Variants in SLC41A2 observed in about 807,000 individuals in gnomAD.
SLC41A2 encodes the protein SLC41A1-like 1.
Under a neutral mutation model 58.3 loss-of-function variants are expected in SLC41A2, and 32 were observed. That is an observed-to-expected ratio of 0.55 (90% CI 0.41 to 0.74). The LOEUF (loss-of-function observed/expected upper bound fraction) is 0.74, where lower values mean the gene tolerates loss of function less well. SLC41A2 is among the 30% of genes least tolerant of loss of function. SLC41A2 has a pLI of 0.00. For synonymous variants in SLC41A2, 190 were observed against 235.0 expected (o/e 0.81, Z 1.75); for missense variants, 514 against 680.6 (o/e 0.76, Z 2.72).
intron 10 of SLC41A2, among the ~76,000 whole-genome samples, chr12:104,816,205 C>T (rs913783733): frequency 7.3e-5 from 11 of 151,652 alleles, no homozygotes; most frequent in South Asian, 4.2e-4. Flanking sequence ...CTTGTAGATA[C>T]GAAAAAACAA....
intron 6 of SLC41A2, among the ~76,000 whole-genome samples, chr12:104,879,150 G>C (rs1485025188): frequency 6.6e-6 from 1 of 152,232 alleles, no homozygotes; most frequent in Non-Finnish European, 1.5e-5. Flanking sequence ...CCCACTTGTT[G>C]ATGGGGTTGT....
intron 10 of SLC41A2, among the ~76,000 whole-genome samples, chr12:104,809,427 C>T (rs895528550): frequency 3.3e-5 from 5 of 152,188 alleles, no homozygotes; most frequent in African/African-American, 1.2e-4. Flanking sequence ...AGACATGTAC[C>T]TATTCCAAAG....
At chr12:104,821,012 G>A (rs886416293) in intron 10 of SLC41A2, among the ~76,000 whole-genome samples, 5 of 152,178 alleles carry the variant, frequency 3.3e-5, no homozygotes, top group East Asian at 3.8e-4. Flanking sequence ...ACAAAAAGTC[G>A]TGAGTATAAT....
intron 6 of SLC41A2, among the ~76,000 whole-genome samples, chr12:104,881,203 T>C (rs2044350311): frequency 6.6e-6 from 1 of 152,212 alleles, no homozygotes; most frequent in South Asian, 2.1e-4. Context: ...GATTCTTCTC[T>C]CTTTTCTTCT....
intron 2 of SLC41A2, among the ~76,000 whole-genome samples, chr12:104,911,835 G>A (rs1303902725): frequency 2.0e-5 from 3 of 152,090 alleles, no homozygotes; most frequent in African/African-American, 7.2e-5. Context: ...GGGGTTCAAT[G>A]GCACCCCAGA....
chr12:104,920,792 C>T (rs1381834859), intron 2 of SLC41A2, among the ~76,000 whole-genome samples: 3 of 151,714 alleles, frequency 2.0e-5, no homozygotes, highest in African/African-American at 4.8e-5. Flanking sequence ...GGTGTGGTGG[C>T]GGGCACTTGT....
chr12:104,894,205 T>G (rs1326816531), intron 4 of SLC41A2, among the ~76,000 whole-genome samples: 4 of 151,828 alleles, frequency 2.6e-5, no homozygotes, highest in Non-Finnish European at 5.9e-5. Context: ...AGTACAAAAA[T>G]TAACCAGGCG....
intron 2 of SLC41A2, among the ~76,000 whole-genome samples, chr12:104,921,515 A>T (rs976855104): frequency 6.6e-6 from 1 of 151,490 alleles, no homozygotes; most frequent in Admixed American, 6.6e-5. Context: ...AAAAAAAAAA[A>T]GCTACCATCC....
intron 10 of SLC41A2, among the ~76,000 whole-genome samples, 193 bp from the exon 11 acceptor site, chr12:104,805,530 A>C (rs2040862108): frequency 6.6e-6 from 1 of 152,228 alleles, no homozygotes; most frequent in Non-Finnish European, 1.5e-5. Context: ...ATGTATGTTT[A>C]CAGGTACTAA....
At position 104,821,607 on chromosome 12, in the gene SLC41A2, A is replaced by C. The variant is rs79716250; in HGVS notation, c.1537-16270T>G. Reference sequence around the variant, plus strand: ...CAATGCTGAGCAAAAAAAGTCGCTTAAGCATATATTCAGTATGATTCAATT... The same window carrying C: ...CAATGCTGAGCAAAAAAAGTCGCTTCAGCATATATTCAGTATGATTCAATT... On this transcript the variant is annotated intron_variant, in intron 10 of 10. Coordinates refer to ENST00000258538, the MANE Select transcript of SLC41A2 (RefSeq NM_001352171.3). Among the ~76,000 whole-genome samples the C allele has an allele frequency of 5.9e-3, 899 of 152,362 alleles. 17 individuals carry two copies. Among genetic ancestry groups the C allele is most frequent in the African/African-American group, 0.02 (845 of 41,592 alleles).
chr12:104,875,580 CT>C (rs1565862918), intron 6 of SLC41A2, among the ~76,000 whole-genome samples: 1 of 152,180 alleles, frequency 6.6e-6, no homozygotes, highest in Non-Finnish European at 1.5e-5. Flanking sequence ...CTGTTTGAGA[CT>C]ATGAGTTTGA....
At chr12:104,812,258 A>T (rs889152079) in intron 10 of SLC41A2, among the ~76,000 whole-genome samples, 1 of 152,182 alleles carries the variant, frequency 6.6e-6, no homozygotes, top group African/African-American at 2.4e-5. Context: ...TAACCTCTCC[A>T]TGTCTCAGTC....
At chr12:104,852,095 C>G (rs1197196048) in intron 8 of SLC41A2, among the ~76,000 whole-genome samples, 1 of 152,158 alleles carries the variant, frequency 6.6e-6, no homozygotes, top group African/African-American at 2.4e-5. Context: ...AGCATTTTCA[C>G]AAAAAGTTAC....
chr12:104,938,080 G>A (rs1385583669), intron 1 of SLC41A2, among the ~76,000 whole-genome samples: 1 of 151,690 alleles, frequency 6.6e-6, no homozygotes, highest in Non-Finnish European at 1.5e-5. Flanking sequence ...ATGAAAGAAT[G>A]TTCTTGGTAG....
chr12:104,892,328 A>AAAAAAAAAAAAAAAAC (rs1272873332), intron 4 of SLC41A2, among the ~76,000 whole-genome samples: 19 of 126,908 alleles, frequency 1.5e-4, no homozygotes, highest in East Asian at 6.9e-4. Context: ...AAATAAAATA[A>AAAAAAAAAAAAAAAAC]AATAAAATAT....
chr12:104,907,498 T>C (rs2045905114), intron 3 of SLC41A2, among the ~76,000 whole-genome samples: 1 of 152,220 alleles, frequency 6.6e-6, no homozygotes, highest in South Asian at 2.1e-4. Context: ...ATAATAATGT[T>C]TGAAATAACA....
At chr12:104,805,360 A>T in intron 10 of SLC41A2, 23 bp from the exon 11 acceptor site, 1 of 1,596,944 alleles carries the variant, frequency 6.3e-7, no homozygotes. Flanking sequence ...AACAGAGATT[A>T]CTCCGGCTGC....
chr12:104,809,761 G>C (rs573957874), intron 10 of SLC41A2, among the ~76,000 whole-genome samples: 1 of 152,108 alleles, frequency 6.6e-6, no homozygotes, highest in African/African-American at 2.4e-5. Context: ...GAAATAATAA[G>C]AGCCTTGGTT....
At chr12:104,828,177 C>A (rs1237008241) in intron 10 of SLC41A2, among the ~76,000 whole-genome samples, 2 of 152,168 alleles carry the variant, frequency 1.3e-5, no homozygotes, top group African/African-American at 4.8e-5. Flanking sequence ...GAGGAACACA[C>A]CGACAGGCAC....
Sources: gnomAD v4.1 joint callset for allele counts (sites outside exome capture counted in the v4.1 genomes callset) on GRCh38, gnomAD v4.1.1 for gene constraint, MANE v1.5 for transcripts, NCBI Gene and HGNC (gene_info 2026-07-23, HGNC 2026-07-21) for gene names.